The following RORA variants were observed in gnomAD, a reference collection of about 807,000 sequenced individuals.
RORA encodes RAR related orphan receptor A.
A neutral mutation model predicts 69.5 loss-of-function variants in RORA; 7 were observed. The observed-to-expected ratio is 0.10, with a 90% CI of 0.06 to 0.19. The LOEUF (loss-of-function observed/expected upper bound fraction) is 0.19, where lower values mean the gene tolerates loss of function less well. Ranked by LOEUF, RORA falls within the 10% of genes least tolerant of loss-of-function variation. RORA has a pLI of 1.00. For missense variants in RORA, 457 were observed against 663.0 expected, an observed-to-expected ratio of 0.69 and a Z score of 3.41; for synonymous variants, 261 against 240.8, an observed-to-expected ratio of 1.08 and a Z score of -0.78.
intron 1 of RORA, among the ~76,000 whole-genome samples, chr15:60,805,151 C>T (rs2072642661): frequency 6.6e-6 from 1 of 152,204 alleles, no homozygotes; most frequent in Admixed American, 6.5e-5. Flanking sequence ...CTCTCTCCCA[C>T]ACCCCATAGG....
chr15:60,679,922 G>A (rs1315622177), intron 1 of RORA, among the ~76,000 whole-genome samples: 1 of 28,666 alleles, frequency 3.5e-5, no homozygotes, highest in East Asian at 8.4e-4. Flanking sequence ...CTATTGTTTT[G>A]TTTGTTTGTT....
rs554628086 is a variant in RORA, at chr15:60,943,216, C to A, written c.167-264530G>T. Among the ~76,000 whole-genome samples the A allele has an allele frequency of 2.6e-5, 4 of 152,244 alleles. No homozygotes were observed. The South Asian group carries it at 8.3e-4, about 32-fold the overall frequency. Reference sequence around the variant, plus strand: ...TTTGCTAGGATGCTGGGGCAAAAACCAGGGTGCTGAGGAAGACTGCCAGGT... The same window carrying A: ...TTTGCTAGGATGCTGGGGCAAAAACAAGGGTGCTGAGGAAGACTGCCAGGT... On this transcript the variant is annotated intron_variant, in intron 1 of 10. Transcript: ENST00000335670.
chr15:61,203,843 C>T (rs1208529866), intron 1 of RORA, among the ~76,000 whole-genome samples: 3 of 152,224 alleles, frequency 2.0e-5, no homozygotes, highest in Non-Finnish European at 4.4e-5. Flanking sequence ...ATATGACTGA[C>T]AGCAAACTTA....
intron 1 of RORA, among the ~76,000 whole-genome samples, chr15:61,104,164 C>T (rs896103057): frequency 6.6e-6 from 1 of 152,216 alleles, no homozygotes; most frequent in Non-Finnish European, 1.5e-5. Flanking sequence ...ACCAGCATTC[C>T]TCTCACGGTC....
chr15:60,804,700 T>C (rs963138498), intron 1 of RORA, among the ~76,000 whole-genome samples: 1 of 152,212 alleles, frequency 6.6e-6, no homozygotes, highest in Non-Finnish European at 1.5e-5. Flanking sequence ...GACTATAGAA[T>C]TACATATGTA....
At chr15:61,158,007 A>G (rs1413310884) in intron 1 of RORA, among the ~76,000 whole-genome samples, 1 of 152,206 alleles carries the variant, frequency 6.6e-6, no homozygotes, top group East Asian at 1.9e-4. Flanking sequence ...GCCACAGTTC[A>G]ATTCATGAGA....
rs146234936 is a variant in RORA, at chr15:61,173,775, C to T, written c.166+55278G>A. ...GATTCAAGAGATCCTCACACCTCAG[C>T]CTCCCGAGTAGCTGGGACTATAGGC... On this transcript the variant is annotated intron_variant, in intron 1 of 10. Coordinates refer to ENST00000335670, the MANE Select transcript of RORA (RefSeq NM_134261.3). 4.5e-3 allele frequency among the ~76,000 whole-genome samples: 686 copies of T among 152,324 alleles called. 1 individual carries two copies. Among genetic ancestry groups the T allele is most frequent in the Middle Eastern group, 0.01 (3 of 294 alleles).
intron 2 of RORA, among the ~76,000 whole-genome samples, chr15:60,644,299 C>T (rs963046274): frequency 1.3e-5 from 2 of 152,166 alleles, no homozygotes; most frequent in South Asian, 4.1e-4. Context: ...TGGTAAGAGA[C>T]AAAGGCCTCA....
intron 1 of RORA, among the ~76,000 whole-genome samples, chr15:61,013,633 T>C (rs1290726506): frequency 1.3e-5 from 2 of 152,280 alleles, no homozygotes; most frequent in Middle Eastern, 3.4e-3. Context: ...TTGTTGCCTT[T>C]GTTGTTGGGT....
chr15:61,007,541 A>T (rs1484158121), intron 1 of RORA, among the ~76,000 whole-genome samples: 1 of 151,988 alleles, frequency 6.6e-6, no homozygotes. Flanking sequence ...TTTGTTCTAA[A>T]AATCACTGTA....
chr15:60,918,929 A>G (rs536604407), intron 1 of RORA, among the ~76,000 whole-genome samples: 1 of 152,314 alleles, frequency 6.6e-6, no homozygotes, highest in East Asian at 1.9e-4. Flanking sequence ...GCTAAGGGGT[A>G]CGAAACCCAG....
intron 3 of RORA, among the ~76,000 whole-genome samples, chr15:60,516,177 ATATATATTTATATATATATTT>A (rs1289690947): frequency 7.5e-5 from 2 of 26,744 alleles, no homozygotes; most frequent in Non-Finnish European, 1.2e-4. Flanking sequence ...ATATATTTAT[ATATATATTTATATATATATTT>A]ATATATATAT....
chr15:61,160,702 T>C (rs2079487259), intron 1 of RORA, among the ~76,000 whole-genome samples: 2 of 152,304 alleles, frequency 1.3e-5, no homozygotes, highest in African/African-American at 2.4e-5. Flanking sequence ...CAGAACTGCA[T>C]GCTATTTTAG....
intron 1 of RORA, among the ~76,000 whole-genome samples, chr15:60,971,602 C>T (rs1050884474): frequency 1.3e-5 from 2 of 152,186 alleles, no homozygotes; most frequent in Non-Finnish European, 2.9e-5. Flanking sequence ...TTTCCTCTTC[C>T]CCTGTATCAT....
intron 1 of RORA, among the ~76,000 whole-genome samples, chr15:61,189,856 CAAA>C (rs71125907): frequency 7.0e-5 from 3 of 42,890 alleles, no homozygotes; most frequent in African/African-American, 1.1e-4. Flanking sequence ...GACTCTGTCT[CAAA>C]AAAAAAAAAA....
intron 1 of RORA, among the ~76,000 whole-genome samples, chr15:61,200,920 G>GA (rs905198778): frequency 3.3e-5 from 5 of 150,508 alleles, no homozygotes; most frequent in African/African-American, 7.3e-5. Context: ...CGGTCCCAGG[G>GA]AAAAAAAAAT....
At chr15:61,012,082 T>C (rs936427361) in intron 1 of RORA, among the ~76,000 whole-genome samples, 2 of 152,218 alleles carry the variant, frequency 1.3e-5, no homozygotes, top group African/African-American at 4.8e-5. Flanking sequence ...TAGCAGATTA[T>C]AGAAAACATG....
chr15:60,911,669 C>G (rs2140479468), intron 1 of RORA, among the ~76,000 whole-genome samples: 1 of 149,538 alleles, frequency 6.7e-6, no homozygotes, highest in Middle Eastern at 3.5e-3. Flanking sequence ...GAAAGAAGGG[C>G]TAAAAGAGAA....
intron 1 of RORA, among the ~76,000 whole-genome samples, chr15:61,018,749 T>A (rs1895396613): frequency 6.6e-6 from 1 of 152,114 alleles, no homozygotes; most frequent in Non-Finnish European, 1.5e-5. Context: ...CACATATGAG[T>A]ACGTATGTAT....
Sources: gnomAD v4.1 joint callset for allele counts (sites outside exome capture counted in the v4.1 genomes callset) on GRCh38, gnomAD v4.1.1 for gene constraint, MANE v1.5 for transcripts, NCBI Gene and HGNC (gene_info 2026-07-23, HGNC 2026-07-21) for gene names.